Variants in ACSS3 observed in about 807,000 individuals in gnomAD.
ACSS3 encodes the protein acyl-CoA synthetase short-chain family member 3, mitochondrial.
In ACSS3, 64 loss-of-function variants were observed where a neutral mutation model predicts 84.2. That is an observed-to-expected ratio of 0.76 (90% CI 0.62 to 0.94). ACSS3 has a LOEUF of 0.94. Ranked by LOEUF, ACSS3 falls within the 40% of genes least tolerant of loss-of-function variation. The probability of loss-of-function intolerance (pLI) is 0.00; values close to 1 mark genes in which losing one functional copy is unlikely to be tolerated. For synonymous variants in ACSS3, 317 were observed against 310.1 expected, an observed-to-expected ratio of 1.02 and a Z score of -0.23; for missense variants, 815 against 867.6, an observed-to-expected ratio of 0.94 and a Z score of 0.76.
chr12:81,149,158 G>A (rs1443094617), intron 5 of ACSS3, among the ~76,000 whole-genome samples: 2 of 152,074 alleles, frequency 1.3e-5, no homozygotes, highest in East Asian at 3.9e-4. Flanking sequence ...GAAGGTTTGT[G>A]TTTTAGGGGT....
chr12:81,096,309 C>T (rs1882041090), intron 1 of ACSS3, among the ~76,000 whole-genome samples: 2 of 152,144 alleles, frequency 1.3e-5, no homozygotes, highest in Admixed American at 6.5e-5. Flanking sequence ...TTCACACTTA[C>T]AAGCTTTTAT....
At chr12:81,153,555 A>G (rs1487547037) in intron 7 of ACSS3, among the ~76,000 whole-genome samples, 2 of 152,218 alleles carry the variant, frequency 1.3e-5, no homozygotes, top group Non-Finnish European at 2.9e-5. Flanking sequence ...ACAGAGGGTT[A>G]TATTTTGGGA....
Position 81,255,107 on chromosome 12 carries a change from G to T in ACSS3, c.*185G>T. 1 of 538,320 alleles carries T rather than the reference G, an allele frequency of 1.9e-6. No individual in the cohort carries two copies. The highest frequency in any genetic ancestry group is 3.2e-5 in the East Asian group (1 of 30,864). 33.3% of individuals were successfully genotyped at this position (538,320 alleles called of 1,614,324 possible). ...AAGACCTGTGCCTTTTTTTTGGTTT[G>T]ACCCTGTTAGCATTGTTATTAGTTA... On this transcript the variant is annotated 3_prime_UTR_variant, in exon 16 of 16. Transcript: ENST00000548058.
At chr12:81,109,201 C>A (rs142220849) in intron 1 of ACSS3, among the ~76,000 whole-genome samples, 2 of 152,266 alleles carry the variant, frequency 1.3e-5, no homozygotes, top group East Asian at 1.9e-4. Context: ...CTTTCACAAT[C>A]CCCAATGCCT....
intron 2 of ACSS3, among the ~76,000 whole-genome samples, chr12:81,112,065 T>C (rs1182315752): frequency 1.3e-5 from 2 of 152,192 alleles, no homozygotes; most frequent in Non-Finnish European, 2.9e-5. Flanking sequence ...GAGCTTGTTA[T>C]TCTTACGAGG....
chr12:81,230,615 T>G (rs2033425616), intron 11 of ACSS3, among the ~76,000 whole-genome samples: 1 of 151,816 alleles, frequency 6.6e-6, no homozygotes, highest in African/African-American at 2.4e-5. Context: ...TTACACTGGG[T>G]GCTTAATTAG....
At chr12:81,142,980 G>A (rs1886163286) in intron 4 of ACSS3, 127 bp from the exon 5 acceptor site, 5 of 839,894 alleles carry the variant, frequency 6.0e-6, no homozygotes, top group Non-Finnish European at 6.5e-6. Context: ...TCATAAATCT[G>A]ATGTTCAGTG....
chr12:81,116,791 A>G (rs959405577), intron 2 of ACSS3, among the ~76,000 whole-genome samples: 9 of 152,184 alleles, frequency 5.9e-5, no homozygotes, highest in Admixed American at 2.6e-4. Context: ...CATTTATAAG[A>G]AAGTAAAATC....
chr12:81,152,152 T>C (rs1886642480), intron 7 of ACSS3, 56 bp downstream of exon 7: 9 of 1,469,484 alleles, frequency 6.1e-6, no homozygotes, highest in Non-Finnish European at 8.4e-6. Flanking sequence ...TTAAAACTTT[T>C]CATGAAGCAG....
intron 1 of ACSS3, among the ~76,000 whole-genome samples, chr12:81,078,707 GA>G (rs1298483498): frequency 6.6e-6 from 1 of 152,204 alleles, no homozygotes; most frequent in Non-Finnish European, 1.5e-5. Context: ...GGAATAGTAA[GA>G]AAACTAAAAC....
chr12:81,126,390 G>A (rs375476017), intron 2 of ACSS3, among the ~76,000 whole-genome samples: 32 of 152,278 alleles, frequency 2.1e-4, no homozygotes, highest in African/African-American at 7.5e-4. Context: ...CCCTAGTCCT[G>A]TTGTGTGTTA....
At chr12:81,179,272 A>G (rs1190986923) in intron 8 of ACSS3, among the ~76,000 whole-genome samples, 1 of 40,686 alleles carries the variant, frequency 2.5e-5, no homozygotes, top group East Asian at 5.4e-4. Flanking sequence ...AGTAATTGCC[A>G]AAAAAAAAAA....
chr12:81,184,587 G>A (rs2031143920), intron 8 of ACSS3, among the ~76,000 whole-genome samples: 1 of 151,632 alleles, frequency 6.6e-6, no homozygotes, highest in Admixed American at 6.6e-5. Context: ...TAAAAGTGAA[G>A]AAATTCTAAC....
intron 9 of ACSS3, among the ~76,000 whole-genome samples, chr12:81,213,050 G>A (rs2032656834): frequency 6.6e-6 from 1 of 152,168 alleles, no homozygotes; most frequent in Non-Finnish European, 1.5e-5. Flanking sequence ...AGTATCCCAT[G>A]CTCTTCTACA....
chr12:81,226,049 C>T (rs1301226964), intron 11 of ACSS3, among the ~76,000 whole-genome samples: 1 of 151,852 alleles, frequency 6.6e-6, no homozygotes, highest in Admixed American at 6.6e-5. Flanking sequence ...AAAGTATAGT[C>T]TAACCTTACT....
intron 10 of ACSS3, among the ~76,000 whole-genome samples, chr12:81,218,179 A>G (rs548787272): frequency 9.8e-5 from 15 of 152,326 alleles, no homozygotes; most frequent in African/African-American, 3.6e-4. Flanking sequence ...AATATGTCTT[A>G]GCTAGTAGTG....
chr12:81,113,532 T>G (rs1883779928), intron 2 of ACSS3, among the ~76,000 whole-genome samples: 1 of 152,164 alleles, frequency 6.6e-6, no homozygotes, highest in South Asian at 2.1e-4. Flanking sequence ...TCTTCTAGAA[T>G]CTAAGTTCCA....
chr12:81,155,966 G>A (rs138556966), intron 7 of ACSS3, among the ~76,000 whole-genome samples: 37 of 152,152 alleles, frequency 2.4e-4, no homozygotes, highest in African/African-American at 8.7e-4. Context: ...CTTTTTAAAT[G>A]CCCACAGAAT....
intron 1 of ACSS3, among the ~76,000 whole-genome samples, chr12:81,095,991 G>C (rs1300825214): frequency 6.6e-6 from 1 of 152,180 alleles, no homozygotes; most frequent in African/African-American, 2.4e-5. Flanking sequence ...CTATTATTCT[G>C]TTCCAAGTAA....
Sources: allele counts gnomAD v4.1 joint callset (sites outside exome capture counted in the v4.1 genomes callset), GRCh38; gene constraint gnomAD v4.1.1; transcripts MANE v1.5; gene names NCBI Gene and HGNC (gene_info 2026-07-23, HGNC 2026-07-21).